Variants in RHOD observed in about 807,000 individuals in gnomAD.
RHOD encodes ras homolog family member D.
RHOD carries 11 observed loss-of-function variants against 16.7 expected under a neutral mutation model. The ratio of observed to expected loss-of-function variants is 0.66; its 90% confidence interval spans 0.41 to 1.09. The LOEUF (loss-of-function observed/expected upper bound fraction) is 1.09, where lower values mean the gene tolerates loss of function less well. RHOD is among the 50% of genes least tolerant of loss of function. The pLI, the probability that RHOD is intolerant of heterozygous loss-of-function variation, is 0.00. For missense variants in RHOD, 271 were observed against 291.7 expected (o/e 0.93, Z 0.52); for synonymous variants, 124 against 126.3 (o/e 0.98, Z 0.12).
At chr11:67,063,197 C>T (rs1342605233) in intron 1 of RHOD, among the ~76,000 whole-genome samples, 1 of 151,946 alleles carries the variant, frequency 6.6e-6, no homozygotes, top group East Asian at 1.9e-4. Context: ...CAAGACCAGC[C>T]TGGGCAACAT....
chr11:67,060,987 A>C (rs1212997969), intron 1 of RHOD, among the ~76,000 whole-genome samples: 1 of 152,260 alleles, frequency 6.6e-6, no homozygotes, highest in Non-Finnish European at 1.5e-5. Flanking sequence ...TGGGTGTATT[A>C]GTCCATTTTC....
intron 1 of RHOD, among the ~76,000 whole-genome samples, chr11:67,060,725 C>T (rs1190244305): frequency 3.9e-5 from 6 of 152,248 alleles, no homozygotes; most frequent in African/African-American, 7.2e-5. Flanking sequence ...TTGCAAGGAT[C>T]GGAGATGGTG....
At chr11:67,062,091 A>T (rs769595925) in intron 1 of RHOD, among the ~76,000 whole-genome samples, 10 of 152,094 alleles carry the variant, frequency 6.6e-5, no homozygotes, top group Non-Finnish European at 1.5e-4. Flanking sequence ...GGGGATTACA[A>T]TTCGAGATGA....
At chr11:67,061,616 G>A (rs1429494064) in intron 1 of RHOD, among the ~76,000 whole-genome samples, 22 of 133,328 alleles carry the variant, frequency 1.7e-4, no homozygotes, top group African/African-American at 6.0e-4. Flanking sequence ...TGGGCAACAA[G>A]AGCGAAACTC....
In RHOD at chr11:67,071,530, C is replaced by A; in HGVS notation, c.561C>A (p.Ala187=). ...TCCACGCCGTCTTCCAGGAGGCCGC[C>A]GAGGTGGCCCTCAGCAGCCGCGGTC... is the stretch of plus-strand genomic sequence containing the variant. ...DNVHAVFQEA[A]EVALSSRGRN... Residue 187 remains alanine, a synonymous_variant, in exon 5 of 5, where the codon GCC becomes GCA. Coordinates refer to ENST00000308831, the MANE Select transcript of RHOD (RefSeq NM_014578.4). The A allele has an allele frequency of 6.2e-7, 1 of 1,611,970 alleles. No homozygotes were observed. The highest frequency in any genetic ancestry group is 8.5e-7 in the Non-Finnish European group (1 of 1,179,404).
At chr11:67,064,105 CAAAAAA>C (rs1280364068) in intron 1 of RHOD, among the ~76,000 whole-genome samples, 1 of 45,544 alleles carries the variant, frequency 2.2e-5, no homozygotes, top group African/African-American at 7.2e-5. Context: ...GACTCCGTCT[CAAAAAA>C]AAAAAAAAAA....
chr11:67,065,580 G>C (rs898821495), intron 1 of RHOD, among the ~76,000 whole-genome samples: 1 of 152,114 alleles, frequency 6.6e-6, no homozygotes, highest in African/African-American at 2.4e-5. Flanking sequence ...TGTTGGCCAG[G>C]CTGGTCTCGA....
chr11:67,061,404 G>A lies in RHOD; in HGVS notation c.132+4370G>A, dbSNP rs143122666. On this transcript the variant is annotated intron_variant, in intron 1 of 4. Transcript: ENST00000308831. ...TCCCAGCACTTCGGGAGGCCGAGGC[G>A]GGTGGATCACCTGAGGTCGGAAGTT... 9.6e-3 allele frequency among the ~76,000 whole-genome samples: 1,454 copies of A among 152,184 alleles called. 15 individuals are homozygous for A. The highest frequency in any genetic ancestry group is 0.024 in the Middle Eastern group (7 of 292).
In RHOD at chr11:67,058,171, ATTATT is replaced by A. The variant is rs1331009504; in HGVS notation, c.132+1155_132+1159del. Among the ~76,000 whole-genome samples, 33 of 149,506 alleles carry A rather than the reference ATTATT, an allele frequency of 2.2e-4. 1 individual carries two copies. Among genetic ancestry groups the A allele is most frequent in the Admixed American group, 1.5e-3 (22 of 15,032 alleles). ...CCACCACGCCTAGCTAATTTTTAAA[ATTATT>A]TTATTTTATTTTATTTTTGAGACGG... On this transcript the variant is annotated intron_variant, in intron 1 of 4. Coordinates refer to ENST00000308831, the MANE Select transcript of RHOD (RefSeq NM_014578.4).
chr11:67,060,521 C>G (rs150766513), intron 1 of RHOD, among the ~76,000 whole-genome samples: 2 of 152,316 alleles, frequency 1.3e-5, no homozygotes, highest in African/African-American at 4.8e-5. Context: ...GAGGGGAAAC[C>G]CAGCCCCTTT....
chr11:67,066,123 G>A, intron 2 of RHOD, 140 bp downstream of exon 2: 1 of 717,804 alleles, frequency 1.4e-6, no homozygotes, highest in East Asian at 2.7e-5. Flanking sequence ...AGTGGGCCCA[G>A]GAGTCTGAGC....
chr11:67,067,236 C>T (rs906528788), intron 3 of RHOD, among the ~76,000 whole-genome samples: 2 of 152,202 alleles, frequency 1.3e-5, no homozygotes, highest in Non-Finnish European at 2.9e-5. Flanking sequence ...AGCAGCTCTG[C>T]GTGGCTGCTG....
In RHOD at chr11:67,071,744, C is replaced by A; in HGVS notation, c.*142C>A. The A allele has an allele frequency of 1.2e-6, 1 of 829,674 alleles. No individual in the cohort carries two copies. The allele number at this position is 829,674 out of a possible 1,614,324, so 51.4% of individuals were successfully genotyped here. ...GCGCCACCAAAGCCAGGCCCTGAGG[C>A]CTGGGAGTCCTGGACTGAGAAAGGG... On this transcript the variant is annotated 3_prime_UTR_variant, in exon 5 of 5. Transcript: ENST00000308831.
intron 2 of RHOD, 88 bp downstream of exon 2, chr11:67,066,071 C>G (rs1565352120): frequency 7.4e-6 from 8 of 1,074,364 alleles, no homozygotes; most frequent in Admixed American, 6.2e-5. Context: ...CCTTCTGAAC[C>G]AGGGAGGCCA....
chr11:67,061,755 A>AAAAAT (rs1555071107), intron 1 of RHOD, among the ~76,000 whole-genome samples: 2 of 127,250 alleles, frequency 1.6e-5, no homozygotes, highest in African/African-American at 6.5e-5. Context: ...AAAAAAAAAA[A>AAAAAT]ATATATATAT....
intron 1 of RHOD, among the ~76,000 whole-genome samples, chr11:67,063,106 A>G (rs910859634): frequency 6.6e-6 from 1 of 152,126 alleles, no homozygotes; most frequent in African/African-American, 2.4e-5. Flanking sequence ...AACATGGGGC[A>G]CTGGGCTGGG....
chr11:67,066,138 C>G (rs1854956943), intron 2 of RHOD, among the ~76,000 whole-genome samples, 155 bp downstream of exon 2: 2 of 152,174 alleles, frequency 1.3e-5, no homozygotes, highest in Non-Finnish European at 2.9e-5. Context: ...CTGAGCCCTC[C>G]TTGCCTCTGC....
intron 1 of RHOD, among the ~76,000 whole-genome samples, chr11:67,065,618 G>A (rs778442114): frequency 2.0e-5 from 3 of 151,934 alleles, no homozygotes; most frequent in Non-Finnish European, 2.9e-5. Context: ...CCACCTCAAC[G>A]TCCCAAAGTG....
intron 1 of RHOD, among the ~76,000 whole-genome samples, chr11:67,061,755 AATAT>A (rs1264429454): frequency 7.9e-6 from 1 of 127,254 alleles, no homozygotes; most frequent in African/African-American, 3.3e-5. Context: ...AAAAAAAAAA[AATAT>A]ATATATATAT....
Sources: allele counts gnomAD v4.1 joint callset (sites outside exome capture counted in the v4.1 genomes callset), GRCh38; gene constraint gnomAD v4.1.1; transcripts MANE v1.5; gene names NCBI Gene and HGNC (gene_info 2026-07-23, HGNC 2026-07-21).